Variants in H6PD observed in about 807,000 individuals in gnomAD.
The protein encoded by H6PD is GDH/6PGL endoplasmic bifunctional protein.
A neutral mutation model predicts 61.2 loss-of-function variants in H6PD; 48 were observed. The observed-to-expected ratio is 0.78, with a 90% CI of 0.62 to 1.00. The LOEUF (loss-of-function observed/expected upper bound fraction) is 1.00. Among genes scored for constraint, H6PD ranks in the 50% least tolerant of loss-of-function variants. The pLI, the probability that H6PD is intolerant of heterozygous loss-of-function variation, is 0.00. For synonymous variants in H6PD, 480 were observed against 457.9 expected (o/e 1.05, Z -0.62); for missense variants, 1,093 against 1,065.0 (o/e 1.03, Z -0.37).
At chr1:9,242,478 G>A (rs1323177272) in intron 1 of H6PD, 1 of 587,322 alleles carries the variant, frequency 1.7e-6, no homozygotes. Flanking sequence ...AGGAGTGCTG[G>A]CAACATAACA....
chr1:9,247,187 G>A, intron 3 of H6PD, 104 bp downstream of exon 3: 1 of 833,550 alleles, frequency 1.2e-6, no homozygotes, highest in Non-Finnish European at 2.1e-6. Flanking sequence ...GTGGGTGTGT[G>A]GTCTCCCTTC....
rs1328756412 is a variant in H6PD at position 9,260,134 on chromosome 1, T to C, written c.746-1925T>C. Reference sequence around the variant, plus strand: ...TGTTACGCCAGTGTTGTTACGTTGCTGTTAGCTGGTGTTATATTGCTGTTG... The same window carrying C: ...TGTTACGCCAGTGTTGTTACGTTGCCGTTAGCTGGTGTTATATTGCTGTTG... On this transcript the variant is annotated intron_variant, in intron 3 of 4. Transcript: ENST00000377403. Among the ~76,000 whole-genome samples, 3 of 152,074 alleles carry C rather than the reference T, an allele frequency of 2.0e-5. No individual in the cohort carries two copies. The East Asian group carries it at 5.8e-4, about 29-fold the overall frequency.
In H6PD at chr1:9,262,126, C is replaced by T. The variant is rs1452223201; in HGVS notation, c.813C>T (p.Val271=). The change falls in exon 4 of 5, where the codon GTC becomes GTT. Residue 271 remains valine, a synonymous_variant. Coordinates refer to ENST00000377403, the MANE Select transcript of H6PD (RefSeq NM_004285.4). ...TCCTCCAGAACCATCTGACGGAGGT[C>T]CTCACCCTCGTGGCCATGGAGCTGC... The part of the protein sequence containing the change: ...RDVLQNHLTE[V]LTLVAMELPH... The T allele has an allele frequency of 1.2e-6, 2 of 1,614,226 alleles. No individual in the cohort carries two copies. Among genetic ancestry groups the T allele is most frequent in the Non-Finnish European group, 1.7e-6 (2 of 1,180,028 alleles).
In H6PD at chr1:9,245,471, C is replaced by T. The variant is rs1191215748; in HGVS notation, c.537C>T (p.Asp179=). Residue 179 remains aspartate (D), a synonymous_variant, in exon 2 of 5, where the codon GAC becomes GAT. Transcript: ENST00000377403. This position sits in a 1 kb window ranked among gnomAD's most constrained non-coding sequence, Gnocchi z 4.8. The part of the protein sequence containing the change: ...RVVLEKPFGH[D]HFSAQQLATE... The stretch of plus-strand genomic sequence containing the variant: ...TCCTTGAGAAACCCTTTGGCCATGA[C>T]CACTTCTCAGCCCAGCAGCTGGCCA... 6.2e-7 allele frequency: 1 copy of T among 1,614,112 alleles called. No individual in the cohort carries two copies. Among genetic ancestry groups the T allele is most frequent in the Non-Finnish European group, 8.5e-7 (1 of 1,179,982 alleles).
chr1:9,264,062 C>G lies in H6PD; in HGVS notation c.1569C>G (p.Ser523=). The G allele has an allele frequency of 6.2e-7, 1 of 1,614,152 alleles. No individual in the cohort carries two copies. Among genetic ancestry groups the G allele is most frequent in the Non-Finnish European group, 8.5e-7 (1 of 1,180,040 alleles). Residue 523 remains serine, a synonymous_variant, in exon 5 of 5, where the codon TCC becomes TCG. Transcript: ENST00000377403. Reference sequence around the variant, plus strand: ...TCAGTAGCGGCCGGTTGTTCTTTTCCCAGCAGCAGCCGGAGCAGCTGGTGC... The same window carrying G: ...TCAGTAGCGGCCGGTTGTTCTTTTCGCAGCAGCAGCCGGAGCAGCTGGTGC... ...FEFSSGRLFF[S]QQQPEQLVPG...
In H6PD at chr1:9,245,096, G is replaced by A. The variant is rs200780666; in HGVS notation, c.162G>A (p.Ala54=). ...TGTTCCAGCTGTACCTGGATGAAGC[G>A]GGGAGGGGTCACAGTTTTAGCTTCC... ...QGLFQLYLDE[A]GRGHSFSFHG... is the part of the protein sequence containing the mutation. Residue 54 remains alanine (A), a synonymous_variant, in exon 2 of 5, where the codon GCG becomes GCA. Transcript: ENST00000377403. The surrounding 1 kb of genome is among the most constrained non-coding windows in gnomAD (Gnocchi z 4.8). The A allele has an allele frequency of 4.8e-5, 77 of 1,614,196 alleles. No homozygotes were observed. Among genetic ancestry groups the A allele is most frequent in the Middle Eastern group, 1.6e-4 (1 of 6,062 alleles).
At chr1:9,239,768 C>T (rs1570076404) in intron 1 of H6PD, 3 of 385,592 alleles carry the variant, frequency 7.8e-6, no homozygotes, top group South Asian at 1.4e-4. Flanking sequence ...CAGACATTGA[C>T]CTTTACCTCC....
At chr1:9,259,976 T>C (rs796238182) in intron 3 of H6PD, among the ~76,000 whole-genome samples, 47 of 152,196 alleles carry the variant, frequency 3.1e-4, no homozygotes, top group African/African-American at 1.1e-3. Context: ...TCTGCTGTTA[T>C]GTTGTTGTTA....
At chr1:9,244,083 C>G (rs141905939) in intron 1 of H6PD, among the ~76,000 whole-genome samples, 1 of 152,154 alleles carries the variant, frequency 6.6e-6, no homozygotes, top group Non-Finnish European at 1.5e-5. Context: ...GTGGTTCTTT[C>G]AGGATTCTTG....
chr1:9,263,907 T>G lies in H6PD; in HGVS notation c.1414T>G (p.Phe472Val), dbSNP rs1368125307. The G allele has an allele frequency of 6.2e-7, 1 of 1,614,028 alleles. No individual in the cohort carries two copies. The highest frequency in any genetic ancestry group is 1.3e-5 in the African/African-American group (1 of 74,948). Residue 472 changes from phenylalanine to valine, a missense_variant, in exon 5 of 5, where the codon TTC (phenylalanine) becomes GTC (valine). Physicochemically the swap from Phe to Val is conservative, Grantham distance 50. Transcript: ENST00000377403. ...CCATATCTTCCATGGCCGGAAGAAT[T>G]TCTTCATCACCACAGAGAACTTGCT... ...LSHIFHGRKN[F>V]FITTENLLAS... is the part of the protein sequence containing the mutation.
chr1:9,248,892 G>A (rs527979731), intron 3 of H6PD, among the ~76,000 whole-genome samples: 3 of 152,192 alleles, frequency 2.0e-5, no homozygotes, highest in Non-Finnish European at 4.4e-5. Context: ...CAGCCAGGGC[G>A]CTGGCCGTGG....
intron 1 of H6PD, among the ~76,000 whole-genome samples, chr1:9,243,525 T>C (rs895095983): frequency 6.6e-6 from 1 of 152,138 alleles, no homozygotes; most frequent in Non-Finnish European, 1.5e-5. Context: ...CGTGATGACT[T>C]TCCCCCTCAC....
At chr1:9,260,527 T>G (rs1380574662) in intron 3 of H6PD, among the ~76,000 whole-genome samples, 1 of 152,194 alleles carries the variant, frequency 6.6e-6, no homozygotes, top group Non-Finnish European at 1.5e-5. Context: ...ACCAGTGTTG[T>G]TACGTTGCTG....
chr1:9,238,496 G>A (rs370470985), intron 1 of H6PD, among the ~76,000 whole-genome samples: 106 of 152,298 alleles, frequency 7.0e-4, no homozygotes, highest in Admixed American at 1.6e-3. Context: ...AGTGGTGGAA[G>A]GTGGTGAGAA....
chr1:9,248,682 G>T (rs1012008189), intron 3 of H6PD, among the ~76,000 whole-genome samples: 1 of 150,230 alleles, frequency 6.7e-6, no homozygotes, highest in African/African-American at 2.4e-5. Flanking sequence ...CAGCGTGGTG[G>T]GGGGACAATG....
Position 9,254,632 on chromosome 1 carries a change from C to T in H6PD, c.746-7427C>T, listed in dbSNP as rs1160982611. Among the ~76,000 whole-genome samples the T allele has an allele frequency of 6.6e-6, 1 of 152,164 alleles. No individual in the cohort carries two copies. Among genetic ancestry groups the T allele is most frequent in the Non-Finnish European group, 1.5e-5 (1 of 68,030 alleles). ...TGTTCATCTTGGAGGTCGCAGACAGCTTCATCTTCCTGAAGTACCTCTTTC... is the reference window on the plus strand; with the variant it reads ...TGTTCATCTTGGAGGTCGCAGACAGTTTCATCTTCCTGAAGTACCTCTTTC... On this transcript the variant is annotated intron_variant, in intron 3 of 4. Transcript: ENST00000377403. This position sits in a 1 kb window ranked among gnomAD's most constrained non-coding sequence, Gnocchi z 4.6.
In H6PD at chr1:9,245,573, CA is replaced by C. The variant is rs1265882007; in HGVS notation, c.627+13del. 1 of 1,613,550 alleles carries C rather than the reference CA, an allele frequency of 6.2e-7. No homozygotes were observed. The highest frequency in any genetic ancestry group is 8.5e-7 in the Non-Finnish European group (1 of 1,179,618). The stretch of plus-strand genomic sequence containing the variant: ...ACTTAGGCAAGCAGGTGAGCATCAG[CA>C]TGGAGCCTGCCAGGGCTAGGGTGAG... On this transcript the variant is annotated intron_variant, in intron 2 of 4. Transcript: ENST00000377403. The surrounding 1 kb of genome is among the most constrained non-coding windows in gnomAD (Gnocchi z 4.8).
Position 9,263,715 on chromosome 1 carries a change from G to A in H6PD, c.1222G>A (p.Gly408Ser), listed in dbSNP as rs1204864515. ...LVFHIGHGDL[G>S]SPAVLVSRNL... ...CTTCCACATCGGCCATGGCGACCTG[G>A]GCAGCCCTGCCGTGCTGGTCAGCAG... Residue 408 changes from glycine to serine, a missense_variant, in exon 5 of 5, where the codon GGC becomes AGC. By Grantham distance (56) the Gly-to-Ser change is moderately conservative. Transcript: ENST00000377403. 3.7e-6 allele frequency: 6 copies of A among 1,613,910 alleles called. No homozygotes were observed. Among genetic ancestry groups the A allele is most frequent in the African/African-American group, 1.3e-5 (1 of 74,950 alleles).
Position 9,264,988 on chromosome 1 carries a change from C to T in H6PD, c.*119C>T. ...TGGCTCTCCAGAACCTTCTATCCCA[C>T]AGTCAGGCCCCAGAGAGGGCAGGAC... On this transcript the variant is annotated 3_prime_UTR_variant, in exon 5 of 5. Coordinates refer to ENST00000377403, the MANE Select transcript of H6PD (RefSeq NM_004285.4). The T allele has an allele frequency of 2.8e-6, 3 of 1,080,708 alleles. No homozygotes were observed. The highest frequency in any genetic ancestry group is 1.3e-5 in the South Asian group (1 of 76,030). The allele number at this position is 1,080,708 out of a possible 1,614,324, so 66.9% of individuals were successfully genotyped here.
Sources: gnomAD v4.1 joint callset for allele counts (sites outside exome capture counted in the v4.1 genomes callset) on GRCh38, gnomAD v4.1.1 for gene constraint, Gnocchi (gnomAD v3.1) non-coding constraint, MANE v1.5 for transcripts, NCBI Gene and HGNC (gene_info 2026-07-23, HGNC 2026-07-21) for gene names.